KLF12: variants seen among roughly 807,000 people sequenced by gnomAD.
KLF12 encodes the protein Krueppel-like factor 12.
KLF12 carries 9 observed loss-of-function variants against 37.8 expected under a neutral mutation model. That is an observed-to-expected ratio of 0.24 (90% CI 0.14 to 0.42). KLF12 has a LOEUF of 0.42. KLF12 is among the 10% of genes least tolerant of loss of function. The pLI, the probability that KLF12 is intolerant of heterozygous loss-of-function variation, is 1.00. For synonymous variants in KLF12, 208 were observed against 202.1 expected (o/e 1.03, Z -0.25); for missense variants, 411 against 516.0 (o/e 0.80, Z 1.97).
chr13:73,922,189 T>A (rs1290492968), intron 3 of KLF12, among the ~76,000 whole-genome samples: 1 of 152,182 alleles, frequency 6.6e-6, no homozygotes, highest in Admixed American at 6.5e-5. Context: ...TCATATTTTC[T>A]TTACACTGAA....
At chr13:74,013,982 C>T (rs1288186179) in intron 1 of KLF12, among the ~76,000 whole-genome samples, 1 of 151,992 alleles carries the variant, frequency 6.6e-6, no homozygotes. Context: ...AGCTGGCCAA[C>T]AGCAGGCTAC....
At chr13:74,033,082 C>T (rs564418293) in intron 1 of KLF12, among the ~76,000 whole-genome samples, 118 of 152,158 alleles carry the variant, frequency 7.8e-4, no homozygotes, top group African/African-American at 1.3e-3. Flanking sequence ...TGAAATAAAA[C>T]GTGACATGTA....
At chr13:73,767,837 C>A (rs1880019086) in intron 5 of KLF12, among the ~76,000 whole-genome samples, 1 of 152,112 alleles carries the variant, frequency 6.6e-6, no homozygotes, top group Admixed American at 6.6e-5. Flanking sequence ...TTAATGACTG[C>A]CATTTATAGT....
chr13:74,033,959 A>G (rs1442479711), intron 1 of KLF12, among the ~76,000 whole-genome samples: 4 of 152,044 alleles, frequency 2.6e-5, no homozygotes, highest in Non-Finnish European at 4.4e-5. Context: ...AAAGCCAAAA[A>G]AAAAAAAAGG....
chr13:73,850,431 G>A (rs1885273627), intron 3 of KLF12, among the ~76,000 whole-genome samples: 1 of 152,142 alleles, frequency 6.6e-6, no homozygotes, highest in Admixed American at 6.5e-5. Context: ...AGTACTAGAT[G>A]TGTTTCCTAC....
At chr13:73,888,579 T>C (rs1392740812) in intron 3 of KLF12, among the ~76,000 whole-genome samples, 2 of 152,204 alleles carry the variant, frequency 1.3e-5, no homozygotes, top group African/African-American at 2.4e-5. Flanking sequence ...AAGAGAAGGT[T>C]ATTGTGCTTC....
chr13:74,293,497 T>C, the KLF12 span, among the ~76,000 whole-genome samples: 1 of 152,210 alleles, frequency 6.6e-6, no homozygotes, highest in African/African-American at 2.4e-5. Context: ...ACACACATAT[T>C]AATATGCATA....
chr13:74,293,315 AT>A, the KLF12 span, among the ~76,000 whole-genome samples: 2 of 152,044 alleles, frequency 1.3e-5, no homozygotes, highest in Admixed American at 1.3e-4. Flanking sequence ...GAGGTCTACT[AT>A]TTTTTCCCCC....
intron 6 of KLF12, among the ~76,000 whole-genome samples, chr13:73,717,773 C>T (rs1219761212): frequency 6.6e-6 from 1 of 152,114 alleles, no homozygotes; most frequent in Non-Finnish European, 1.5e-5. Context: ...TGAAAGGAGT[C>T]AAAACAGTGT....
At chr13:74,150,902 G>C in the KLF12 span, among the ~76,000 whole-genome samples, 1 of 152,042 alleles carries the variant, frequency 6.6e-6, no homozygotes, top group Non-Finnish European at 1.5e-5. Context: ...ACTAACTTTG[G>C]GTTTATTTCT....
At chr13:73,799,634 A>C (rs1443562542) in intron 5 of KLF12, among the ~76,000 whole-genome samples, 2 of 152,126 alleles carry the variant, frequency 1.3e-5, no homozygotes, top group Non-Finnish European at 2.9e-5. Context: ...TCACCCTACA[A>C]TGTAATGTAC....
intron 1 of KLF12, among the ~76,000 whole-genome samples, chr13:74,001,555 G>A (rs1892282495): frequency 6.6e-6 from 1 of 152,186 alleles, no homozygotes; most frequent in South Asian, 2.1e-4. Flanking sequence ...GCTTTGCTCA[G>A]TATGCAGTAT....
At chr13:74,155,963 G>C in the KLF12 span, among the ~76,000 whole-genome samples, 3 of 152,172 alleles carry the variant, frequency 2.0e-5, no homozygotes, top group Non-Finnish European at 4.4e-5. Context: ...ACTGATACCA[G>C]TGTTTCCGCA....
chr13:73,829,280 G>C (rs56994264), intron 4 of KLF12, among the ~76,000 whole-genome samples: 11 of 152,142 alleles, frequency 7.2e-5, no homozygotes, highest in African/African-American at 2.7e-4. Flanking sequence ...ATTTAAAAAA[G>C]AAATCTTAAT....
intron 1 of KLF12, among the ~76,000 whole-genome samples, chr13:74,033,194 G>C (rs1893159648): frequency 6.6e-6 from 1 of 152,078 alleles, no homozygotes; most frequent in Non-Finnish European, 1.5e-5. Flanking sequence ...GAAAAGTACA[G>C]GCTAAAACTC....
chr13:74,300,279 C>T, the KLF12 span, among the ~76,000 whole-genome samples: 3 of 152,144 alleles, frequency 2.0e-5, no homozygotes, highest in East Asian at 5.8e-4. Flanking sequence ...CTGACTCATA[C>T]ATCTATCTCT....
chr13:74,206,513 C>A, the KLF12 span, among the ~76,000 whole-genome samples: 1 of 152,170 alleles, frequency 6.6e-6, no homozygotes, highest in East Asian at 1.9e-4. Context: ...CTTCTCTTTT[C>A]TTCCATTCTC....
upstream of KLF12, among the ~76,000 whole-genome samples, chr13:74,137,639 G>A (rs1305061257): frequency 1.3e-5 from 2 of 152,168 alleles, no homozygotes; most frequent in African/African-American, 2.4e-5. Flanking sequence ...TAATGTTAAT[G>A]TAAAAGTAAG....
Position 73,764,840 on chromosome 13 carries a change from T to C in KLF12, c.869+98A>G, listed in dbSNP as rs570082151. 143 of 703,352 alleles carry C rather than the reference T, an allele frequency of 2.0e-4. 1 individual carries two copies. In the African/African-American group the frequency reaches 2.4e-3, roughly 12 times the overall value. 43.6% of individuals were successfully genotyped at this position (703,352 alleles called of 1,614,324 possible). ...TAGTCCAGTTAGCAGGTATGTACTC[T>C]GTATAGAGAAGTAGGACTAATTCTC... On this transcript the variant is annotated intron_variant, in intron 6 of 7. Coordinates refer to ENST00000377669, the MANE Select transcript of KLF12 (RefSeq NM_007249.5).
Sources: allele counts gnomAD v4.1 joint callset (sites outside exome capture counted in the v4.1 genomes callset), GRCh38; gene constraint gnomAD v4.1.1; transcripts MANE v1.5; gene names NCBI Gene and HGNC (gene_info 2026-07-23, HGNC 2026-07-21).